ATP8A2: variants seen among roughly 807,000 people sequenced by gnomAD.
ATP8A2 encodes ATPase phospholipid transporting 8A2.
ATP8A2 carries 100 observed loss-of-function variants against 165.6 expected under a neutral mutation model. That is an observed-to-expected ratio of 0.60 (90% CI 0.51 to 0.71). ATP8A2 has a LOEUF of 0.71. Ranked by LOEUF, ATP8A2 falls within the 30% of genes least tolerant of loss-of-function variation. ATP8A2 has a pLI of 0.00. For missense variants in ATP8A2, 1,227 were observed against 1,479.5 expected (o/e 0.83, Z 2.80); for synonymous variants, 543 against 548.8 (o/e 0.99, Z 0.15).
intron 24 of ATP8A2, among the ~76,000 whole-genome samples, chr13:25,651,212 A>G (rs765428492): frequency 1.3e-5 from 2 of 152,182 alleles, no homozygotes; most frequent in Non-Finnish European, 2.9e-5. Context: ...TGGGAGGCCA[A>G]GATGGGTGGA....
intron 2 of ATP8A2, among the ~76,000 whole-genome samples, chr13:25,523,688 T>C (rs1423700259): frequency 6.6e-6 from 1 of 152,120 alleles, no homozygotes; most frequent in Non-Finnish European, 1.5e-5. Flanking sequence ...ATTTTTTTTG[T>C]GTGTGTATTT....
At chr13:25,587,674 G>A (rs2039961951) in intron 23 of ATP8A2, among the ~76,000 whole-genome samples, 1 of 152,178 alleles carries the variant, frequency 6.6e-6, no homozygotes, top group South Asian at 2.1e-4. Flanking sequence ...TGGGGATGAA[G>A]AAAGAATAAA....
At chr13:25,623,700 T>C (rs1035403259) in intron 24 of ATP8A2, among the ~76,000 whole-genome samples, 2 of 152,158 alleles carry the variant, frequency 1.3e-5, no homozygotes, top group African/African-American at 2.4e-5. Context: ...GAGAATTTTA[T>C]CCTGATGGAA....
At chr13:25,599,520 G>A (rs935701996) in intron 24 of ATP8A2, among the ~76,000 whole-genome samples, 10 of 152,130 alleles carry the variant, frequency 6.6e-5, no homozygotes, top group Middle Eastern at 3.2e-3. Flanking sequence ...ACTTTACCAC[G>A]CCTAGAGGCA....
chr13:25,734,601 G>T (rs2043726294), intron 25 of ATP8A2, among the ~76,000 whole-genome samples: 1 of 152,126 alleles, frequency 6.6e-6, no homozygotes, highest in Non-Finnish European at 1.5e-5. Context: ...CTAGTAGAGG[G>T]CCTGGAATGT....
At chr13:25,702,674 T>C (rs922181091) in intron 25 of ATP8A2, among the ~76,000 whole-genome samples, 2 of 152,240 alleles carry the variant, frequency 1.3e-5, no homozygotes, top group Non-Finnish European at 1.5e-5. Context: ...TATTTGCCTC[T>C]ATTCCTTTGC....
At chr13:25,451,138 T>C (rs927708518) in intron 1 of ATP8A2, among the ~76,000 whole-genome samples, 4 of 152,182 alleles carry the variant, frequency 2.6e-5, no homozygotes, top group Admixed American at 6.5e-5. Flanking sequence ...GCTCTGTTAC[T>C]ATTTTTCTTC....
rs1593353653 is a variant in ATP8A2 at position 25,469,093 on chromosome 13, C to A, written c.193C>A (p.Leu65Ile). ...ARTIYLNQPH[L>I]NKFRDNQIST... ...CACCATTTACCTCAACCAACCGCAT[C>A]TCAACAAATTCCGCGACAACCAGAT... Residue 65 changes from leucine to isoleucine, a missense_variant, in exon 2 of 37, where the codon CTC becomes ATC. Coordinates refer to ENST00000381655, the MANE Select transcript of ATP8A2 (RefSeq NM_016529.6). 2 of 1,614,054 alleles carry A rather than the reference C, an allele frequency of 1.2e-6. No individual in the cohort carries two copies. The highest frequency in any genetic ancestry group is 1.7e-6 in the Non-Finnish European group (2 of 1,179,922).
chr13:25,740,478 T>C (rs1593277422), intron 25 of ATP8A2, among the ~76,000 whole-genome samples: 1 of 151,954 alleles, frequency 6.6e-6, no homozygotes, highest in East Asian at 1.9e-4. Context: ...TCTATGACAA[T>C]AGGAATGATG....
chr13:25,980,830 C>G (rs1956159078), intron 35 of ATP8A2, among the ~76,000 whole-genome samples: 1 of 152,106 alleles, frequency 6.6e-6, no homozygotes, highest in Admixed American at 6.5e-5. Flanking sequence ...GTGATTACAG[C>G]GTGTGAACAG....
At position 25,810,670 on chromosome 13, in the gene ATP8A2, ACTGTGT is replaced by A. The variant is rs543638835; in HGVS notation, c.2680-17445_2680-17440del. Reference sequence around the variant, plus strand: ...CATTGTCCAGCAACAATAATATATGACTGTGTCTATCTTAGTAAATAAATTTCTAAA... The same window carrying A: ...CATTGTCCAGCAACAATAATATATGACTATCTTAGTAAATAAATTTCTAAA... On this transcript the variant is annotated intron_variant, in intron 27 of 36. Coordinates refer to ENST00000381655, the MANE Select transcript of ATP8A2 (RefSeq NM_016529.6). Among the ~76,000 whole-genome samples the A allele has an allele frequency of 5.1e-3, 781 of 152,300 alleles. 7 individuals carry two copies. The highest frequency in any genetic ancestry group is 0.018 in the African/African-American group (728 of 41,564).
chr13:25,653,656 T>G (rs921364987), intron 24 of ATP8A2, among the ~76,000 whole-genome samples: 4 of 152,234 alleles, frequency 2.6e-5, no homozygotes, highest in Non-Finnish European at 5.9e-5. Context: ...TGTTGTCTCC[T>G]TAATCAGGAG....
chr13:25,741,617 T>C (rs956174429), intron 25 of ATP8A2, among the ~76,000 whole-genome samples: 2 of 151,558 alleles, frequency 1.3e-5, no homozygotes, highest in East Asian at 2.0e-4. Context: ...GGACAAGCAA[T>C]CCTCCCACCT....
At chr13:25,641,424 A>C (rs2041517511) in intron 24 of ATP8A2, among the ~76,000 whole-genome samples, 1 of 152,218 alleles carries the variant, frequency 6.6e-6, no homozygotes, top group Admixed American at 6.5e-5. Flanking sequence ...ATACAAAATC[A>C]ATGTGCAAAA....
intron 23 of ATP8A2, among the ~76,000 whole-genome samples, chr13:25,586,268 C>A (rs2039918495): frequency 6.6e-6 from 1 of 152,180 alleles, no homozygotes; most frequent in Admixed American, 6.5e-5. Context: ...CCAGGGAAGT[C>A]TTCCTGGATG....
intron 25 of ATP8A2, among the ~76,000 whole-genome samples, chr13:25,707,407 T>A (rs2043075402): frequency 6.6e-6 from 1 of 152,224 alleles, no homozygotes; most frequent in South Asian, 2.1e-4. Context: ...AAGTTATATA[T>A]CATCACTATC....
intron 30 of ATP8A2, among the ~76,000 whole-genome samples, chr13:25,852,983 C>T (rs899626387): frequency 6.6e-6 from 1 of 152,112 alleles, no homozygotes; most frequent in Non-Finnish European, 1.5e-5. Flanking sequence ...CACCAAGTTC[C>T]TCATGTGAAA....
chr13:25,973,944 TC>T (rs568788963), intron 35 of ATP8A2, among the ~76,000 whole-genome samples: 2 of 152,240 alleles, frequency 1.3e-5, no homozygotes, highest in South Asian at 4.1e-4. Context: ...TGGCTTTTTT[TC>T]CAGCCAAAAG....
intron 33 of ATP8A2, among the ~76,000 whole-genome samples, chr13:25,915,951 C>T (rs974514628): frequency 6.6e-6 from 1 of 152,144 alleles, no homozygotes; most frequent in Non-Finnish European, 1.5e-5. Flanking sequence ...AAACATTTAC[C>T]AAGAAATTTT....
Sources: allele counts gnomAD v4.1 joint callset (sites outside exome capture counted in the v4.1 genomes callset), GRCh38; gene constraint gnomAD v4.1.1; transcripts MANE v1.5; gene names NCBI Gene and HGNC (gene_info 2026-07-23, HGNC 2026-07-21).